The following PDE7B variants were observed in gnomAD, a reference collection of about 807,000 sequenced individuals.
The protein encoded by PDE7B is 3',5'-cyclic-AMP phosphodiesterase 7B.
A neutral mutation model predicts 56.2 loss-of-function variants in PDE7B; 29 were observed. That is an observed-to-expected ratio of 0.52 (90% CI 0.38 to 0.70). PDE7B has a LOEUF of 0.70. PDE7B is among the 30% of genes least tolerant of loss of function. The pLI is 0.00. For missense variants in PDE7B, 490 were observed against 565.0 expected, an observed-to-expected ratio of 0.87 and a Z score of 1.35; for synonymous variants, 197 against 196.9, an observed-to-expected ratio of 1.00 and a Z score of 0.00.
chr6:136,182,860 G>A (rs559679495), intron 11 of PDE7B, among the ~76,000 whole-genome samples: 35 of 152,196 alleles, frequency 2.3e-4, no homozygotes, highest in African/African-American at 8.2e-4. Context: ...GATCACCTGA[G>A]GTCAGGAACT....
intron 2 of PDE7B, among the ~76,000 whole-genome samples, chr6:136,054,372 T>C (rs1363261072): frequency 1.3e-5 from 2 of 152,212 alleles, no homozygotes; most frequent in African/African-American, 4.8e-5. Flanking sequence ...TGTAGATATG[T>C]GGCATTATTG....
At chr6:136,030,091 T>C (rs1776221104) in intron 2 of PDE7B, among the ~76,000 whole-genome samples, 1 of 152,180 alleles carries the variant, frequency 6.6e-6, no homozygotes, top group Non-Finnish European at 1.5e-5. Flanking sequence ...CTGGATTATA[T>C]ATATCAGGAA....
At chr6:135,880,054 T>G (rs1775577765) in intron 1 of PDE7B, among the ~76,000 whole-genome samples, 1 of 152,190 alleles carries the variant, frequency 6.6e-6, no homozygotes, top group Admixed American at 6.5e-5. Flanking sequence ...GAGCAAGCCA[T>G]GAAGGCAGAT....
intron 2 of PDE7B, among the ~76,000 whole-genome samples, chr6:136,005,173 C>G (rs922037321): frequency 6.6e-6 from 1 of 152,136 alleles, no homozygotes; most frequent in East Asian, 1.9e-4. Context: ...GAAACTGGAT[C>G]CCTTCCTTAC....
chr6:135,884,485 G>A (rs1775666606), intron 1 of PDE7B, among the ~76,000 whole-genome samples: 1 of 152,160 alleles, frequency 6.6e-6, no homozygotes, highest in Non-Finnish European at 1.5e-5. Context: ...TATCACAGAA[G>A]TCCTTTCTAT....
At chr6:135,907,299 T>G (rs953345459) in intron 1 of PDE7B, among the ~76,000 whole-genome samples, 1 of 152,144 alleles carries the variant, frequency 6.6e-6, no homozygotes, top group Non-Finnish European at 1.5e-5. Context: ...TTTCCAACTC[T>G]TCTAGCAGCC....
chr6:135,865,564 C>T (rs1775238587), intron 1 of PDE7B, among the ~76,000 whole-genome samples: 1 of 151,550 alleles, frequency 6.6e-6, no homozygotes, highest in South Asian at 2.1e-4. Context: ...CTGGTTGAAT[C>T]AAAGTGGCTG....
chr6:136,187,634 C>T (rs1229567162), intron 12 of PDE7B, among the ~76,000 whole-genome samples: 1 of 152,180 alleles, frequency 6.6e-6, no homozygotes, highest in Non-Finnish European at 1.5e-5. Flanking sequence ...TCAGGTTATT[C>T]TCCTAAAACC....
intron 1 of PDE7B, among the ~76,000 whole-genome samples, chr6:135,911,148 TAGTC>T (rs1239215072): frequency 6.6e-6 from 1 of 152,190 alleles, no homozygotes; most frequent in African/African-American, 2.4e-5. Flanking sequence ...TCATTAAACA[TAGTC>T]TTTATTTACA....
At chr6:135,898,451 C>T (rs1005675501) in intron 1 of PDE7B, among the ~76,000 whole-genome samples, 1 of 151,752 alleles carries the variant, frequency 6.6e-6, no homozygotes, top group African/African-American at 2.4e-5. Context: ...AATCATGTCC[C>T]CCAGAGACAG....
chr6:135,948,241 T>C (rs1774625286), intron 2 of PDE7B, among the ~76,000 whole-genome samples: 1 of 152,016 alleles, frequency 6.6e-6, no homozygotes, highest in Non-Finnish European at 1.5e-5. Flanking sequence ...TTAGATCTTA[T>C]TTAAGCCACT....
chr6:136,148,263 G>A (rs1778449386), intron 4 of PDE7B, among the ~76,000 whole-genome samples: 1 of 151,886 alleles, frequency 6.6e-6, no homozygotes, highest in South Asian at 2.1e-4. Context: ...GGCTGAGGCA[G>A]CAGGATTGCT....
intron 3 of PDE7B, among the ~76,000 whole-genome samples, chr6:136,127,229 G>A (rs1778038148): frequency 6.6e-6 from 1 of 152,006 alleles, no homozygotes; most frequent in African/African-American, 2.4e-5. Flanking sequence ...CACATCCCTG[G>A]CTCCCTTCCA....
chr6:135,947,487 G>A lies in PDE7B; in HGVS notation c.45G>A (p.Glu15=), dbSNP rs1172829247. ...MVERCGEILF[E]NPDQNAKCVC... ...AGAGGTGTGGCGAAATCTTGTTTGAGAACCCCGATCAGAATGCCAAATGTG... is the reference window on the plus strand; with the variant it reads ...AGAGGTGTGGCGAAATCTTGTTTGAAAACCCCGATCAGAATGCCAAATGTG... Residue 15 remains glutamate, a synonymous_variant, in exon 2 of 13, where the codon GAG becomes GAA. Transcript: ENST00000308191. 2 of 1,612,516 alleles carry A rather than the reference G, an allele frequency of 1.2e-6. No homozygotes were observed. The highest frequency in any genetic ancestry group is 1.7e-4 in the Middle Eastern group (1 of 6,060).
At chr6:136,044,968 C>T (rs1444618847) in intron 2 of PDE7B, 1 of 150,308 alleles carries the variant, frequency 6.7e-6, no homozygotes, top group Non-Finnish European at 1.5e-5. Flanking sequence ...GCTGGTTCAA[C>T]TGGACAGAAA....
chr6:136,080,761 C>T (rs1777193740), intron 2 of PDE7B, among the ~76,000 whole-genome samples: 2 of 152,090 alleles, frequency 1.3e-5, no homozygotes, highest in Non-Finnish European at 2.9e-5. Flanking sequence ...AGGGACAGAG[C>T]CAAGTGCTAT....
At position 135,977,428 on chromosome 6, in the gene PDE7B, G is replaced by A. The variant is rs561243289; in HGVS notation, c.82+29904G>A. Among the ~76,000 whole-genome samples the A allele has an allele frequency of 8.6e-5, 13 of 151,860 alleles. No homozygotes were observed. The South Asian group carries it at 2.7e-3, about 32-fold the overall frequency. ...TGAAACTTGAATAGACTCCAGGGCC[G>A]AAAGCAGAAAACTACTCAAACAGTC... is the stretch of plus-strand genomic sequence containing the variant. On this transcript the variant is annotated intron_variant, in intron 2 of 12. Transcript: ENST00000308191.
intron 2 of PDE7B, among the ~76,000 whole-genome samples, chr6:136,052,216 G>A (rs1304648536): frequency 2.0e-5 from 3 of 152,212 alleles, no homozygotes; most frequent in Non-Finnish European, 4.4e-5. Flanking sequence ...GGAGGAAAGA[G>A]AAGAGTTACG....
intron 2 of PDE7B, among the ~76,000 whole-genome samples, chr6:136,021,620 G>C (rs1434316051): frequency 6.6e-6 from 1 of 151,212 alleles, no homozygotes; most frequent in African/African-American, 2.4e-5. Flanking sequence ...CTCCAGTCTG[G>C]GTGACAAGAG....
Sources: gnomAD v4.1 joint callset for allele counts (sites outside exome capture counted in the v4.1 genomes callset) on GRCh38, gnomAD v4.1.1 for gene constraint, MANE v1.5 for transcripts, NCBI Gene and HGNC (gene_info 2026-07-23, HGNC 2026-07-21) for gene names.